The following C12orf56 variants were observed in gnomAD, a reference collection of about 807,000 sequenced individuals.
C12orf56 encodes uncharacterized protein C12orf56.
In C12orf56, 71 loss-of-function variants were observed where a neutral mutation model predicts 69.9. The observed-to-expected ratio is 1.02, with a 90% CI of 0.84 to 1.24. C12orf56 has a LOEUF of 1.24. Ranked by LOEUF, C12orf56 falls within the 50% of genes most tolerant of loss-of-function variation. The probability of loss-of-function intolerance (pLI) is 0.00; values close to 1 mark genes in which losing one functional copy is unlikely to be tolerated. For missense variants in C12orf56, 732 were observed against 738.5 expected (o/e 0.99, Z 0.10); for synonymous variants, 276 against 274.1 (o/e 1.01, Z -0.07).
intron 4 of C12orf56, among the ~76,000 whole-genome samples, chr12:64,318,041 C>T (rs1014455914): frequency 9.2e-5 from 11 of 118,932 alleles, no homozygotes; most frequent in Non-Finnish European, 1.9e-4. Context: ...ACCTTACCTA[C>T]CTCTACAAAA....
At chr12:64,380,144 C>CAAACA (rs2039700933) in intron 1 of C12orf56, among the ~76,000 whole-genome samples, 3 of 81,600 alleles carry the variant, frequency 3.7e-5, no homozygotes, top group African/African-American at 1.0e-4. Context: ...ACAAAACAAA[C>CAAACA]AAAAAAAAAC....
At chr12:64,285,869 G>A (rs2038193461) in intron 7 of C12orf56, 85 bp downstream of exon 7, 2 of 671,074 alleles carry the variant, frequency 3.0e-6, no homozygotes, top group East Asian at 5.9e-5. Context: ...CATTAACCCA[G>A]CATATATTTT....
intron 5 of C12orf56, among the ~76,000 whole-genome samples, chr12:64,309,292 C>T (rs1272796507): frequency 6.6e-6 from 1 of 152,188 alleles, no homozygotes; most frequent in African/African-American, 2.4e-5. Flanking sequence ...ACTCTCCCTT[C>T]ACCACTCTCC....
At chr12:64,383,445 T>A (rs2039748290) in intron 1 of C12orf56, among the ~76,000 whole-genome samples, 1 of 152,074 alleles carries the variant, frequency 6.6e-6, no homozygotes, top group South Asian at 2.1e-4. Flanking sequence ...GGCGCGATCT[T>A]GGCTCACTGC....
intron 7 of C12orf56, 21 bp downstream of exon 7, chr12:64,285,933 G>T: frequency 1.4e-6 from 2 of 1,455,140 alleles, no homozygotes; most frequent in South Asian, 1.3e-5. Context: ...AAAAATCGAT[G>T]ATTATCTAGT....
chr12:64,326,729 G>C (rs2038846995), intron 3 of C12orf56, among the ~76,000 whole-genome samples: 2 of 103,462 alleles, frequency 1.9e-5, no homozygotes, highest in Non-Finnish European at 3.9e-5. Flanking sequence ...GACGGAGCTA[G>C]ACTCTGTCTC....
intron 1 of C12orf56, among the ~76,000 whole-genome samples, chr12:64,354,351 A>G (rs1592481339): frequency 6.6e-6 from 1 of 152,140 alleles, no homozygotes; most frequent in Admixed American, 6.5e-5. Context: ...GAGGCAGGGG[A>G]ATCACTGGAG....
Position 64,267,261 on chromosome 12 carries a change from C to G in C12orf56, c.1791G>C (p.Gln597His). 1 of 1,611,474 alleles carries G rather than the reference C, an allele frequency of 6.2e-7. No individual in the cohort carries two copies. The highest frequency in any genetic ancestry group is 1.3e-5 in the African/African-American group (1 of 75,006). The change falls in exon 13 of 13, where the codon CAG (glutamine) becomes CAC (histidine). Residue 597 changes from glutamine to histidine, a missense_variant. By Grantham distance (24) the Gln-to-His change is conservative. Transcript: ENST00000543942. ...TGGGGTAACACAATGGGAGCCTTTT[C>G]TGCAAGGCTGGCATGTGAATAAAGT... ...FRYFIHMPAL[Q>H]KRLPLCYPIT...
At chr12:64,366,268 TTATATATTATATATAATATACAGTTTATA>T (rs1345178946) in intron 1 of C12orf56, among the ~76,000 whole-genome samples, 4 of 110,428 alleles carry the variant, frequency 3.6e-5, no homozygotes, top group Admixed American at 1.2e-4. Flanking sequence ...AATATACAGT[TTATATATTATATATAATATACAGTTTATA>T]TATTATATAT....
chr12:64,281,433 G>A (rs981831996), intron 8 of C12orf56, among the ~76,000 whole-genome samples: 8 of 152,006 alleles, frequency 5.3e-5, no homozygotes, highest in African/African-American at 1.4e-4. Context: ...TCAGCCGAGC[G>A]TGGTGGCACA....
intron 12 of C12orf56, among the ~76,000 whole-genome samples, chr12:64,269,789 A>G (rs1413129603): frequency 6.6e-6 from 1 of 151,822 alleles, no homozygotes; most frequent in Non-Finnish European, 1.5e-5. Context: ...GGGTTTCACC[A>G]TGTTGCTCAG....
At chr12:64,326,739 CAA>C (rs35874771) in intron 3 of C12orf56, among the ~76,000 whole-genome samples, 35,381 of 145,798 alleles carry the variant, frequency 0.24, 4,945 homozygotes, top group East Asian at 0.5. Context: ...GACTCTGTCT[CAA>C]AAAAAAAAAA....
chr12:64,268,933 CA>C (rs2037946040), intron 12 of C12orf56, among the ~76,000 whole-genome samples: 1 of 151,906 alleles, frequency 6.6e-6, no homozygotes, highest in African/African-American at 2.4e-5. Context: ...GCCAGGAGTT[CA>C]AGACTAGCCT....
At chr12:64,337,219 TTTTTTTCTC>T (rs202053315) in intron 2 of C12orf56, among the ~76,000 whole-genome samples, 1,768 of 152,248 alleles carry the variant, frequency 0.012, 45 homozygotes, top group African/African-American at 0.04. Context: ...AGTGTGTAAT[TTTTTTTCTC>T]TTTCACCCAA....
intron 1 of C12orf56, among the ~76,000 whole-genome samples, chr12:64,383,238 G>C (rs553564618): frequency 6.6e-6 from 1 of 151,892 alleles, no homozygotes; most frequent in East Asian, 1.9e-4. Context: ...GATCACTTGA[G>C]CCTGGGAGGT....
At chr12:64,277,629 C>A in intron 9 of C12orf56, 51 bp downstream of exon 9, 4 of 836,432 alleles carry the variant, frequency 4.8e-6, no homozygotes, top group Non-Finnish European at 4.4e-6. Flanking sequence ...GAAGCCAGGG[C>A]CCCTATATAT....
At chr12:64,343,447 A>G (rs1465846132) in intron 2 of C12orf56, among the ~76,000 whole-genome samples, 1 of 152,238 alleles carries the variant, frequency 6.6e-6, no homozygotes, top group Non-Finnish European at 1.5e-5. Flanking sequence ...AGGTAGGACA[A>G]TAAAGGTATA....
At chr12:64,352,148 C>G (rs2039235825) in intron 2 of C12orf56, among the ~76,000 whole-genome samples, 1 of 151,312 alleles carries the variant, frequency 6.6e-6, no homozygotes, top group African/African-American at 2.4e-5. Flanking sequence ...CTTTTGGCTC[C>G]CCTCTCCCTG....
chr12:64,338,651 G>A (rs1160385338), intron 2 of C12orf56: 31 of 1,591,186 alleles, frequency 1.9e-5, no homozygotes, highest in Middle Eastern at 3.6e-4. Context: ...TAGTCTTTGG[G>A]TTTGCACAAA....
Sources: allele counts gnomAD v4.1 joint callset (sites outside exome capture counted in the v4.1 genomes callset), GRCh38; gene constraint gnomAD v4.1.1; transcripts MANE v1.5; gene names NCBI Gene and HGNC (gene_info 2026-07-23, HGNC 2026-07-21).